The following FUCA1 variants were observed in gnomAD, a reference collection of about 807,000 sequenced individuals.
FUCA1 encodes tissue alpha-L-fucosidase.
Under a neutral mutation model 56.8 loss-of-function variants are expected in FUCA1, and 52 were observed. The observed-to-expected ratio is 0.92, with a 90% CI of 0.73 to 1.15. FUCA1 has a LOEUF of 1.15. Ranked by LOEUF, FUCA1 falls within the 50% of genes most tolerant of loss-of-function variation. The pLI, the probability that FUCA1 is intolerant of heterozygous loss-of-function variation, is 0.00. For synonymous variants in FUCA1, 230 were observed against 226.6 expected (o/e 1.02, Z -0.14); for missense variants, 568 against 592.6 (o/e 0.96, Z 0.43).
chr1:23,849,508 C>T (rs1168664039), intron 5 of FUCA1, among the ~76,000 whole-genome samples: 1 of 151,228 alleles, frequency 6.6e-6, no homozygotes, highest in African/African-American at 2.4e-5. Context: ...CAGGACATTC[C>T]TTACGCATTG....
In FUCA1 at chr1:23,854,353, C is replaced by G. The variant is rs766588509; in HGVS notation, c.969+7G>C. 1.2e-6 allele frequency: 2 copies of G among 1,611,358 alleles called. No individual in the cohort carries two copies. Among genetic ancestry groups the G allele is most frequent in the East Asian group, 2.2e-5 (1 of 44,872 alleles). On this transcript the variant is annotated splice_region_variant and intron_variant, in intron 5 of 7. Transcript: ENST00000374479. ...AACAAAAACAAAAAACTCAAAGGTG[C>G]TCTTACCGAAATGATTTCAGATTCT... is the stretch of plus-strand genomic sequence containing the variant.
chr1:23,854,467 A>G lies in FUCA1; in HGVS notation c.862T>C (p.Leu288=). 1 of 1,614,132 alleles carries G rather than the reference A, an allele frequency of 6.2e-7. No individual in the cohort carries two copies. Among genetic ancestry groups the G allele is most frequent in the Non-Finnish European group, 8.5e-7 (1 of 1,179,972 alleles). ...CACATCTCCCACTTGTGATCTGGCA[A>G]GCTCTGTGGCTTGAATTTATCTTCA... ...NCEDKFKPQS[L]PDHKWEMCTS... is the part of the protein sequence containing the mutation. Residue 288 remains leucine (L), a synonymous_variant, in exon 5 of 8, where the codon TTG becomes CTG. Coordinates refer to ENST00000374479, the MANE Select transcript of FUCA1 (RefSeq NM_000147.5).
intron 5 of FUCA1, among the ~76,000 whole-genome samples, chr1:23,852,617 A>G (rs2148441253): frequency 6.6e-6 from 1 of 152,160 alleles, no homozygotes; most frequent in South Asian, 2.1e-4. Context: ...CTGCGATTGC[A>G]GGTGCGCGCC....
chr1:23,865,496 C>G lies in FUCA1; in HGVS notation c.519G>C (p.Arg173=). The change falls in exon 2 of 8, where the codon CGG becomes CGC. Residue 173 remains arginine (R), a synonymous_variant. Transcript: ENST00000374479. ...AACCATCCCTGGACACTCACCTCTT[C>G]CGGAGAGCTGTTCCCAATTCACCAA... is the stretch of plus-strand genomic sequence containing the variant. ...DLVGELGTAL[R]KRNIRYGLYH... 1.2e-6 allele frequency: 2 copies of G among 1,614,244 alleles called. No individual in the cohort carries two copies. Among genetic ancestry groups the G allele is most frequent in the Non-Finnish European group, 1.7e-6 (2 of 1,180,044 alleles).
At chr1:23,853,127 C>T (rs1304917401) in intron 5 of FUCA1, among the ~76,000 whole-genome samples, 3 of 147,250 alleles carry the variant, frequency 2.0e-5, no homozygotes, top group Admixed American at 6.8e-5. Context: ...TCTGCCCCGC[C>T]GCCCCGTCTG....
chr1:23,854,327 A>C (rs768338932), intron 5 of FUCA1, 33 bp downstream of exon 5: 2 of 1,579,972 alleles, frequency 1.3e-6, no homozygotes, highest in East Asian at 2.2e-5. Context: ...AAAAAAAAAA[A>C]AACAAAAACA....
intron 5 of FUCA1, among the ~76,000 whole-genome samples, chr1:23,849,624 C>G (rs959294657): frequency 7.0e-6 from 1 of 142,170 alleles, no homozygotes; most frequent in Non-Finnish European, 1.5e-5. Flanking sequence ...GCTCTGTCTC[C>G]CAGGCTGGAG....
chr1:23,848,712 C>T lies in FUCA1; in HGVS notation c.1097G>A (p.Gly366Glu). Residue 366 changes from glycine to glutamate, a missense_variant, in exon 6 of 8, where the codon GGG (glycine) becomes GAG (glutamate). Coordinates refer to ENST00000374479, the MANE Select transcript of FUCA1 (RefSeq NM_000147.5). ...LAVGKWLSIN[G>E]EAIYASKPWR... ...TGGTTTGGAGGCATAGATAGCCTCCCCATTGATGCTCAGCCATTTCCCAAC... is the reference window on the plus strand; with the variant it reads ...TGGTTTGGAGGCATAGATAGCCTCCTCATTGATGCTCAGCCATTTCCCAAC... The T allele has an allele frequency of 6.2e-7, 1 of 1,614,082 alleles. No individual in the cohort carries two copies. The highest frequency in any genetic ancestry group is 8.5e-7 in the Non-Finnish European group (1 of 1,179,978).
intron 5 of FUCA1, among the ~76,000 whole-genome samples, chr1:23,850,463 TTTTA>T (rs983695435): frequency 1.1e-4 from 17 of 151,940 alleles, no homozygotes; most frequent in African/African-American, 1.4e-4. Context: ...ATGTAACTTA[TTTTA>T]TTTATTTATT....
At position 23,863,141 on chromosome 1, in the gene FUCA1, C is replaced by T. The variant is rs1639544116; in HGVS notation, c.655G>A (p.Val219Ile). 3 of 1,613,722 alleles carry T rather than the reference C, an allele frequency of 1.9e-6. No individual in the cohort carries two copies. Among genetic ancestry groups the T allele is most frequent in the Admixed American group, 1.7e-5 (1 of 59,986 alleles). ...AKTMPELYDL[V>I]NSYKPDLIWS... ...AATATTTCAGTGTCTTACCTGTTAA[C>T]AAGGTCGTACAGCTCTGGCATTGTT... Residue 219 changes from valine to isoleucine, a missense_variant, in exon 3 of 8, where the codon GTT (valine) becomes ATT (isoleucine). Val to Ile is a conservative substitution (Grantham distance 29). Coordinates refer to ENST00000374479, the MANE Select transcript of FUCA1 (RefSeq NM_000147.5).
At chr1:23,857,351 A>C (rs1235294477) in intron 4 of FUCA1, among the ~76,000 whole-genome samples, 1 of 152,198 alleles carries the variant, frequency 6.6e-6, no homozygotes, top group African/African-American at 2.4e-5. Flanking sequence ...GGTGAATAAA[A>C]CAGAGTTCTT....
At chr1:23,864,017 C>T (rs1312175984) in intron 2 of FUCA1, among the ~76,000 whole-genome samples, 1 of 151,590 alleles carries the variant, frequency 6.6e-6, no homozygotes, top group African/African-American at 2.4e-5. Context: ...ATTTTCCACA[C>T]AGTTGAAATG....
intron 5 of FUCA1, among the ~76,000 whole-genome samples, chr1:23,854,153 T>A (rs544058543): frequency 6.6e-5 from 10 of 152,156 alleles, no homozygotes; most frequent in African/African-American, 2.4e-4. Flanking sequence ...CCAACACCGT[T>A]AAAGCCCTTT....
intron 5 of FUCA1, among the ~76,000 whole-genome samples, chr1:23,849,748 A>G (rs1330259234): frequency 6.6e-6 from 1 of 151,102 alleles, no homozygotes; most frequent in Non-Finnish European, 1.5e-5. Flanking sequence ...ATGCCCAGTT[A>G]ATTTTTGTAT....
rs1446748566 is a variant in FUCA1, at chr1:23,846,125, T to C, written c.1209A>G (p.Pro403=). The change falls in exon 7 of 8, where the codon CCA becomes CCG. Residue 403 remains proline (P), a synonymous_variant. Coordinates refer to ENST00000374479, the MANE Select transcript of FUCA1 (RefSeq NM_000147.5). ...SAVYAIFLHW[P]ENGVLNLESP... ...ATTCAAGGTTTAAGACTCCATTTTC[T>C]GGCCAGTGCAGAAAAATGGCATAAA... The C allele has an allele frequency of 6.2e-7, 1 of 1,614,210 alleles. No homozygotes were observed. The highest frequency in any genetic ancestry group is 2.2e-5 in the East Asian group (1 of 44,888).
rs540692366 is a variant in FUCA1 at position 23,864,534 on chromosome 1, A to C, written c.524+957T>G. On this transcript the variant is annotated intron_variant, in intron 2 of 7. Transcript: ENST00000374479. ...AATTACACAGATAAAAAACAACTGA[A>C]GTATTTCATCATATGACCCAGGGAC... Among the ~76,000 whole-genome samples, 3 of 152,310 alleles carry C rather than the reference A, an allele frequency of 2.0e-5. No homozygotes were observed. The East Asian group carries it at 5.8e-4, about 29-fold the overall frequency.
chr1:23,845,798 G>A lies in FUCA1; in HGVS notation c.1318C>T (p.Leu440Phe), dbSNP rs1456871165. 6.2e-7 allele frequency: 1 copy of A among 1,613,490 alleles called. No individual in the cohort carries two copies. Among genetic ancestry groups the A allele is most frequent in the African/African-American group, 1.3e-5 (1 of 74,930 alleles). Reference protein sequence around the residue: ...LKWSTDPDKGLFISLPQLPPS... With the variant: ...LKWSTDPDKGFFISLPQLPPS... ...GGCAACTGGGGTAGAGAGATGAAGA[G>A]ACCTTTATCTGGATCTGTGGACCAC... Residue 440 changes from leucine to phenylalanine, a missense_variant, in exon 8 of 8, where the codon CTC (leucine) becomes TTC (phenylalanine). Coordinates refer to ENST00000374479, the MANE Select transcript of FUCA1 (RefSeq NM_000147.5).
Position 23,845,739 on chromosome 1 carries a change from A to C in FUCA1, c.1377T>G (p.Thr459=). 1 of 1,614,240 alleles carries C rather than the reference A, an allele frequency of 6.2e-7. No individual in the cohort carries two copies. Among genetic ancestry groups the C allele is most frequent in the Non-Finnish European group, 8.5e-7 (1 of 1,180,038 alleles). The change falls in exon 8 of 8, where the codon ACT becomes ACG. Residue 459 remains threonine (T), a synonymous_variant. Transcript: ENST00000374479. ...ATTACTTCACTCCTGTCAGCTTTAT[A>C]GTCCAAGCAAACTCTGCGGGGACAG... The part of the protein sequence containing the change: ...PSAVPAEFAW[T]IKLTGVK
chr1:23,856,412 A>C (rs1639391904), intron 4 of FUCA1, among the ~76,000 whole-genome samples: 1 of 152,194 alleles, frequency 6.6e-6, no homozygotes, highest in Non-Finnish European at 1.5e-5. Context: ...ACCAGTGTCT[A>C]TGGATTGTGG....
Sources: allele counts gnomAD v4.1 joint callset (sites outside exome capture counted in the v4.1 genomes callset), GRCh38; gene constraint gnomAD v4.1.1; transcripts MANE v1.5; gene names NCBI Gene and HGNC (gene_info 2026-07-23, HGNC 2026-07-21).